Variants in ZNF808 observed in about 807,000 individuals in gnomAD.
ZNF808 encodes the protein zinc finger protein 808.
ZNF808 carries 5 observed loss-of-function variants against 8.7 expected under a neutral mutation model. That is an observed-to-expected ratio of 0.58 (90% CI 0.30 to 1.21). The LOEUF (loss-of-function observed/expected upper bound fraction) is 1.21, where lower values mean the gene tolerates loss of function less well. Ranked by LOEUF, ZNF808 falls within the 50% of genes most tolerant of loss-of-function variation. The pLI is 0.07. For missense variants in ZNF808, 1,103 were observed against 1,098.4 expected (o/e 1.00, Z -0.06); for synonymous variants, 380 against 366.0 (o/e 1.04, Z -0.44).
intron 2 of ZNF808, among the ~76,000 whole-genome samples, chr19:52,533,550 G>A (rs568583888): frequency 4.5e-4 from 68 of 151,630 alleles, no homozygotes; most frequent in African/African-American, 1.6e-3. Flanking sequence ...TGAAGAACTT[G>A]GGAGCTCCTT....
intron 4 of ZNF808, 30 bp downstream of exon 4, chr19:52,547,668 A>T: frequency 6.3e-7 from 1 of 1,598,484 alleles, no homozygotes. Flanking sequence ...AGACATGAGG[A>T]GTCTGCTCCT....
downstream of ZNF808, among the ~76,000 whole-genome samples, chr19:52,557,211 C>T (rs1291747347): frequency 2.6e-5 from 4 of 151,286 alleles, no homozygotes; most frequent in Non-Finnish European, 5.9e-5. Flanking sequence ...CCTCGTGATC[C>T]GCCAGACCTG....
intron 2 of ZNF808, among the ~76,000 whole-genome samples, chr19:52,541,474 G>A (rs1010367922): frequency 1.1e-4 from 16 of 151,950 alleles, no homozygotes; most frequent in African/African-American, 2.9e-4. Context: ...TCACCTCAGA[G>A]CATCTCAGAA....
Position 52,553,705 on chromosome 19 carries a change from A to G in ZNF808, c.789A>G (p.Val263=), listed in dbSNP as rs748609307. The G allele has an allele frequency of 6.2e-7, 1 of 1,614,156 alleles. No individual in the cohort carries two copies. The highest frequency in any genetic ancestry group is 1.1e-5 in the South Asian group (1 of 91,086). The part of the protein sequence containing the change: ...HLGDKQYKCD[V]CGKLFNHKQY... Reference sequence around the variant, plus strand: ...GAGACAAACAATATAAATGTGATGTATGTGGCAAGCTCTTTAATCACAAGC... The same window carrying G: ...GAGACAAACAATATAAATGTGATGTGTGTGGCAAGCTCTTTAATCACAAGC... The change falls in exon 5 of 5, where the codon GTA becomes GTG. Residue 263 remains valine, a synonymous_variant. Transcript: ENST00000359798.
rs199579964 is a variant in ZNF808 at position 52,554,602 on chromosome 19, T to C, written c.1686T>C (p.Thr562=). 5.4e-5 allele frequency: 87 copies of C among 1,613,636 alleles called. No individual in the cohort carries two copies. In the East Asian group the frequency reaches 1.2e-3, roughly 22 times the overall value. The part of the protein sequence containing the change: ...SVLAVHTRIH[T]AKKPYKCNEC... ...TGGCTGTACATACTAGAATTCACAC[T>C]GCAAAGAAACCTTACAAGTGTAATG... Residue 562 remains threonine (T), a synonymous_variant, in exon 5 of 5, where the codon ACT becomes ACC. Coordinates refer to ENST00000359798, the MANE Select transcript of ZNF808 (RefSeq NM_001039886.4).
At chr19:52,557,625 C>A (rs1443878566), downstream of ZNF808, among the ~76,000 whole-genome samples, 2 of 152,188 alleles carry the variant, frequency 1.3e-5, no homozygotes, top group Non-Finnish European at 2.9e-5. Flanking sequence ...AGTTGACCTT[C>A]TTTCACTGTT....
In ZNF808 at chr19:52,554,144, CATCA is replaced by C; in HGVS notation, c.1234_1237del (p.Ser412AlafsTer123). The C allele has an allele frequency of 1.2e-6, 2 of 1,614,082 alleles. No homozygotes were observed. The highest frequency in any genetic ancestry group is 8.5e-7 in the Non-Finnish European group (1 of 1,179,986). ...TAATGAGTGTGGTAAGGCTTTTAAT[CATCA>C]ATCAAGCCTTGCACGTCATCATATA... is the stretch of plus-strand genomic sequence containing the variant. On this transcript the variant is annotated frameshift_variant, in exon 5 of 5. Transcript: ENST00000359798. LOFTEE classifies it low-confidence loss of function (END_TRUNC).
intron 4 of ZNF808, among the ~76,000 whole-genome samples, chr19:52,551,864 G>C (rs1460603954): frequency 6.6e-6 from 1 of 152,028 alleles, no homozygotes; most frequent in Admixed American, 6.6e-5. Flanking sequence ...TTAGCCAGGT[G>C]TAGTGGTGTG....
chr19:52,554,471 A>G lies in ZNF808; in HGVS notation c.1555A>G (p.Thr519Ala). The G allele has an allele frequency of 6.2e-7, 1 of 1,614,110 alleles. No homozygotes were observed. The highest frequency in any genetic ancestry group is 8.5e-7 in the Non-Finnish European group (1 of 1,180,018). Residue 519 changes from threonine to alanine, a missense_variant, in exon 5 of 5, where the codon ACC becomes GCC. Thr to Ala is a moderately conservative substitution (Grantham distance 58). Coordinates refer to ENST00000359798, the MANE Select transcript of ZNF808 (RefSeq NM_001039886.4). ...KPYKCNQCGN[T>A]FRHRASLVYH... The stretch of plus-strand genomic sequence containing the variant: ...TTACAAGTGTAATCAGTGTGGCAAT[A>G]CCTTCCGTCACCGGGCATCCCTTGT...
At chr19:52,543,844 AT>A (rs33909825) in intron 3 of ZNF808, among the ~76,000 whole-genome samples, 61,888 of 147,152 alleles carry the variant, frequency 0.42, 14,103 homozygotes, top group African/African-American at 0.61. Context: ...CTGTGTCCAA[AT>A]TTTTTTTTTT....
chr19:52,553,949 T>A lies in ZNF808; in HGVS notation c.1033T>A (p.Cys345Ser). Reference sequence around the variant, plus strand: ...TCATACTGGAGAGAAACCTTACAAGTGTAATGAATGTGGCAAGGCTTTTAA... The same window carrying A: ...TCATACTGGAGAGAAACCTTACAAGAGTAATGAATGTGGCAAGGCTTTTAA... ...AIHTGEKPYKCNECGKAFNQQ... is the reference protein window; with the variant it reads ...AIHTGEKPYKSNECGKAFNQQ... The change falls in exon 5 of 5, where the codon TGT becomes AGT. Residue 345 changes from cysteine to serine, a missense_variant. By Grantham distance (112) the Cys-to-Ser change is moderately radical. Transcript: ENST00000359798. The A allele has an allele frequency of 6.2e-7, 1 of 1,614,164 alleles. No individual in the cohort carries two copies. The highest frequency in any genetic ancestry group is 1.1e-5 in the South Asian group (1 of 91,076).
intron 2 of ZNF808, among the ~76,000 whole-genome samples, chr19:52,533,843 CAAAAAAA>C (rs919374020): frequency 1.6e-4 from 5 of 30,760 alleles, no homozygotes; most frequent in Admixed American, 5.6e-4. Context: ...ACTCCGTCTC[CAAAAAAA>C]AAAAAAAAAA....
chr19:52,539,619 A>G (rs1179785446), intron 2 of ZNF808, among the ~76,000 whole-genome samples: 3 of 118,510 alleles, frequency 2.5e-5, no homozygotes, highest in South Asian at 2.8e-4. Context: ...CAATGGTGCG[A>G]TCTTGCTCAC....
At position 52,554,658 on chromosome 19, in the gene ZNF808, A is replaced by G. The variant is rs1180661863; in HGVS notation, c.1742A>G (p.His581Arg). The stretch of plus-strand genomic sequence containing the variant: ...GGGAAAGCTTTTAATCAACAATCAC[A>G]TCTTTCACGTCATCGTAGACTTCAT... ...ECGKAFNQQS[H>R]LSRHRRLHTG... The change falls in exon 5 of 5, where the codon CAT (histidine) becomes CGT (arginine). Residue 581 changes from histidine to arginine, a missense_variant. Coordinates refer to ENST00000359798, the MANE Select transcript of ZNF808 (RefSeq NM_001039886.4). The G allele has an allele frequency of 1.2e-6, 2 of 1,613,770 alleles. No individual in the cohort carries two copies. The highest frequency in any genetic ancestry group is 1.7e-6 in the Non-Finnish European group (2 of 1,179,960).
At chr19:52,545,456 A>G (rs1211771585) in intron 3 of ZNF808, among the ~76,000 whole-genome samples, 1 of 152,156 alleles carries the variant, frequency 6.6e-6, no homozygotes, top group Non-Finnish European at 1.5e-5. Context: ...AGTATTTTTC[A>G]TTGTTGTCAA....
In ZNF808 at chr19:52,543,844, A is replaced by AT. The variant is rs33909825; in HGVS notation, c.63+513dup. Among the ~76,000 whole-genome samples the AT allele has an allele frequency of 3.3e-3, 481 of 147,404 alleles. 3 individuals carry two copies. Among genetic ancestry groups the AT allele is most frequent in the African/African-American group, 6.5e-3 (261 of 40,288 alleles). ...TAGATCAAGATGTCTCTGTGTCCAAATTTTTTTTTTTTTTTTAAGAGACAA... is the reference window on the plus strand; with the variant it reads ...TAGATCAAGATGTCTCTGTGTCCAAATTTTTTTTTTTTTTTTTAAGAGACAA... On this transcript the variant is annotated intron_variant, in intron 3 of 4. Transcript: ENST00000359798.
chr19:52,567,788 G>A (rs1336376346), downstream of ZNF808, among the ~76,000 whole-genome samples: 1 of 151,942 alleles, frequency 6.6e-6, no homozygotes, highest in African/African-American at 2.4e-5. Context: ...GCCTACCAAA[G>A]GGCTGGGATT....
At chr19:52,529,116 C>T (rs1334355339) in intron 1 of ZNF808, among the ~76,000 whole-genome samples, 4 of 151,808 alleles carry the variant, frequency 2.6e-5, no homozygotes, top group Non-Finnish European at 5.9e-5. Flanking sequence ...TGGCTCACGC[C>T]TGTAGTCTCC....
At chr19:52,548,027 C>T (rs950323739) in intron 4 of ZNF808, among the ~76,000 whole-genome samples, 2 of 152,202 alleles carry the variant, frequency 1.3e-5, no homozygotes, top group Admixed American at 6.5e-5. Context: ...GCGTGAGCCA[C>T]CATGCCCAGC....
Sources: allele counts gnomAD v4.1 joint callset (sites outside exome capture counted in the v4.1 genomes callset), GRCh38; gene constraint gnomAD v4.1.1; transcripts MANE v1.5; gene names NCBI Gene and HGNC (gene_info 2026-07-23, HGNC 2026-07-21).